Variants in UNC80 observed in about 807,000 individuals in gnomAD.
UNC80 encodes the protein unc-80 subunit of NALCN channel complex, also known as protein unc-80 homolog.
In UNC80, 164 loss-of-function variants were observed where a neutral mutation model predicts 384.6. The observed-to-expected ratio is 0.43, with a 90% CI of 0.38 to 0.49. The LOEUF is 0.49. Among genes scored for constraint, UNC80 ranks in the 20% least tolerant of loss-of-function variants. The pLI, the probability that UNC80 is intolerant of heterozygous loss-of-function variation, is 0.00. For synonymous variants in UNC80, 1,486 were observed against 1,527.8 expected, an observed-to-expected ratio of 0.97 and a Z score of 0.64; for missense variants, 3,330 against 4,143.0, an observed-to-expected ratio of 0.80 and a Z score of 5.39.
At position 209,921,305 on chromosome 2, in the gene UNC80, G is replaced by GA. The variant is rs201273344; in HGVS notation, c.5344-186dup. Among the ~76,000 whole-genome samples the GA allele has an allele frequency of 2.8e-4, 42 of 150,064 alleles. 2 individuals are homozygous for GA. In the East Asian group the frequency reaches 5.8e-3, roughly 21 times the overall value. On this transcript the variant is annotated intron_variant, in intron 33 of 64. Coordinates refer to ENST00000673920, the MANE Select transcript of UNC80 (RefSeq NM_001371986.1). ...TCATGAAGAATCATTCTGATTGAAT[G>GA]AAAAAAAAATAGCTTAACCATACAC...
chr2:209,823,246 C>A (rs926213760), intron 13 of UNC80, among the ~76,000 whole-genome samples: 3 of 152,248 alleles, frequency 2.0e-5, no homozygotes, highest in African/African-American at 7.2e-5. Flanking sequence ...ATGAAAGCAA[C>A]CTGAATCCCA....
intron 43 of UNC80, 140 bp downstream of exon 43, chr2:209,939,792 T>C: frequency 1.4e-6 from 1 of 733,498 alleles, no homozygotes; most frequent in Non-Finnish European, 2.0e-6. Context: ...TGTATACATG[T>C]GCCATGTTGG....
In UNC80 at chr2:209,819,351, T is replaced by G. The variant is rs2079978067; in HGVS notation, c.1962+90T>G. The G allele has an allele frequency of 1.2e-5, 16 of 1,312,726 alleles. No homozygotes were observed. The South Asian group carries it at 2.3e-4, about 19-fold the overall frequency. The allele number at this position is 1,312,726 out of a possible 1,614,324, so 81.3% of individuals were successfully genotyped here. A position where few individuals can be genotyped will look rare whatever the true frequency, so the allele number is the denominator to read the frequency against. ...ATGTTATATAAAATGGGCATATAGA[T>G]TCTTAGAAATATCAAACCTTGAAAT... On this transcript the variant is annotated intron_variant, in intron 12 of 64. Transcript: ENST00000673920.
rs1319589 is a variant in UNC80 at position 209,851,115 on chromosome 2, A to C, written c.3627+1492A>C. Among the ~76,000 whole-genome samples the C allele has an allele frequency of 9.4e-3, 1,437 of 152,214 alleles. 9 individuals are homozygous for C. Among genetic ancestry groups the C allele is most frequent in the Middle Eastern group, 0.031 (9 of 294 alleles). On this transcript the variant is annotated intron_variant, in intron 22 of 64. Transcript: ENST00000673920. ...ACTACACTTCATCTTACTTGAACTT[A>C]AGAAATGCTCTGTTAATTTACAAGT...
chr2:209,965,247 G>A (rs574286139), intron 51 of UNC80, among the ~76,000 whole-genome samples: 26 of 152,002 alleles, frequency 1.7e-4, no homozygotes, highest in African/African-American at 5.8e-4. Context: ...AACCAGCCTG[G>A]GCAACATAGC....
Position 209,849,560 on chromosome 2 carries a change from G to C in UNC80, c.3564G>C (p.Leu1188=), listed in dbSNP as rs1411130604. The C allele has an allele frequency of 1.9e-6, 3 of 1,550,824 alleles. No individual in the cohort carries two copies. The highest frequency in any genetic ancestry group is 2.6e-6 in the Non-Finnish European group (3 of 1,146,530). Residue 1188 remains leucine (L), a synonymous_variant, in exon 22 of 65, where the codon CTG becomes CTC. Transcript: ENST00000673920. ...AAGGCATGAAACGCTTCCAATTTCT[G>C]TTAAACTGCTGTGAGCCAGGGACAA... ...IRQGMKRFQF[L]LNCCEPGTIP... is the part of the protein sequence containing the mutation.
At chr2:209,955,712 TATATATATATATATATATATATATATAC>T (rs1300660163) in intron 48 of UNC80, among the ~76,000 whole-genome samples, 1 of 75,654 alleles carries the variant, frequency 1.3e-5, no homozygotes, top group African/African-American at 8.0e-5. Flanking sequence ...TATATATATA[TATATATATATATATATATATATATATAC>T]ACACACACAC....
intron 7 of UNC80, among the ~76,000 whole-genome samples, chr2:209,807,423 G>C (rs891759756): frequency 3.9e-4 from 58 of 149,798 alleles, no homozygotes; most frequent in Non-Finnish European, 1.3e-4. Context: ...GGAGTGCAGT[G>C]GTGCTGTCTC....
Position 209,976,664 on chromosome 2 carries a change from G to A in UNC80, c.8773-249G>A, listed in dbSNP as rs1280875691. ...TTAAATAAACATAAGAAAAACATAG[G>A]ATACTTAACGTATGTTTTTCCTCCA... On this transcript the variant is annotated intron_variant, in intron 57 of 64. Transcript: ENST00000673920. This position sits in a 1 kb window ranked among gnomAD's most constrained non-coding sequence, Gnocchi z 4.3. Among the ~76,000 whole-genome samples, 1 of 152,008 alleles carries A rather than the reference G, an allele frequency of 6.6e-6. No individual in the cohort carries two copies. Among genetic ancestry groups the A allele is most frequent in the Non-Finnish European group, 1.5e-5 (1 of 68,006 alleles).
chr2:209,882,773 G>C (rs1305015499), intron 25 of UNC80, among the ~76,000 whole-genome samples: 3 of 151,858 alleles, frequency 2.0e-5, no homozygotes, highest in Non-Finnish European at 4.4e-5. Flanking sequence ...GATTGTTATT[G>C]GTCACCATTT....
intron 6 of UNC80, among the ~76,000 whole-genome samples, chr2:209,791,896 C>G (rs1453059932): frequency 6.7e-6 from 1 of 148,572 alleles, no homozygotes; most frequent in Non-Finnish European, 1.5e-5. Context: ...TTAGTCTAAG[C>G]CTGCACTGTC....
intron 7 of UNC80, 22 bp downstream of exon 7, chr2:209,793,881 GACAAAATGTGTC>G: frequency 1.9e-6 from 3 of 1,611,558 alleles, no homozygotes; most frequent in Non-Finnish European, 2.5e-6. Context: ...CAATGTTAGG[GACAAAATGTGTC>G]ACTGGTCACC....
chr2:209,878,157 C>A lies in UNC80; in HGVS notation c.3976+68C>A. The A allele has an allele frequency of 2.9e-6, 4 of 1,392,518 alleles. No homozygotes were observed. The South Asian group carries it at 6.5e-5, about 23-fold the overall frequency. The allele number at this position is 1,392,518 out of a possible 1,614,324, so 86.3% of individuals were successfully genotyped here. ...ACCTCTGCTTTAGGAGCACTTAATA[C>A]TTCTCTTTTCTCCTTCATATTCTTA... On this transcript the variant is annotated intron_variant, in intron 24 of 64. Transcript: ENST00000673920.
intron 18 of UNC80, among the ~76,000 whole-genome samples, chr2:209,838,046 C>T (rs1388010862): frequency 6.6e-6 from 1 of 152,176 alleles, no homozygotes; most frequent in Non-Finnish European, 1.5e-5. Flanking sequence ...GCTGGGATTA[C>T]AGGTGTGAGC....
Position 209,924,328 on chromosome 2 carries a change from A to G in UNC80, c.5662+1945A>G, listed in dbSNP as rs111345832. ...TTTCCTTGACTAATTTGTAAAGTCC[A>G]TAATAAGCCTTTGTTGAGTGTGAGC... On this transcript the variant is annotated intron_variant, in intron 35 of 64. Transcript: ENST00000673920. Among the ~76,000 whole-genome samples the G allele has an allele frequency of 2.7e-3, 417 of 152,320 alleles. 1 individual carries two copies. Among genetic ancestry groups the G allele is most frequent in the African/African-American group, 9.6e-3 (400 of 41,580 alleles).
intron 58 of UNC80, 37 bp from the exon 59 acceptor site, chr2:209,978,492 T>C: frequency 6.8e-7 from 1 of 1,462,872 alleles, no homozygotes; most frequent in Non-Finnish European, 9.2e-7. Context: ...TTTAAGATTC[T>C]CACCATGCAT....
intron 31 of UNC80, among the ~76,000 whole-genome samples, chr2:209,914,282 T>C (rs1274609148): frequency 1.3e-5 from 2 of 152,246 alleles, no homozygotes; most frequent in Non-Finnish European, 1.5e-5. Flanking sequence ...TGCACCACTG[T>C]AATTTACTTT....
intron 28 of UNC80, among the ~76,000 whole-genome samples, chr2:209,904,217 T>C (rs1019007379): frequency 1.3e-5 from 2 of 152,198 alleles, no homozygotes; most frequent in Admixed American, 6.5e-5. Flanking sequence ...AGGAAAAATA[T>C]CACTTTGCAG....
intron 17 of UNC80, 98 bp from the exon 18 acceptor site, chr2:209,834,814 G>A (rs2081232244): frequency 1.0e-6 from 1 of 991,580 alleles, no homozygotes; most frequent in Non-Finnish European, 1.5e-6. Context: ...AAGCTGCAAA[G>A]TTGTCTACAA....
Sources: gnomAD v4.1 joint callset for allele counts (sites outside exome capture counted in the v4.1 genomes callset) on GRCh38, gnomAD v4.1.1 for gene constraint, Gnocchi (gnomAD v3.1) non-coding constraint, MANE v1.5 for transcripts, NCBI Gene and HGNC (gene_info 2026-07-23, HGNC 2026-07-21) for gene names.